Variants in EPYC observed in about 807,000 individuals in gnomAD.
The protein encoded by EPYC is epiphycan.
EPYC carries 28 observed loss-of-function variants against 30.1 expected under a neutral mutation model. The observed-to-expected ratio is 0.93, with a 90% CI of 0.69 to 1.28. The LOEUF (loss-of-function observed/expected upper bound fraction) is 1.28. Among genes scored for constraint, EPYC ranks in the 50% most tolerant of loss-of-function variants. EPYC has a pLI of 0.00. For synonymous variants in EPYC, 144 were observed against 141.4 expected (o/e 1.02, Z -0.13); for missense variants, 382 against 383.5 (o/e 1.00, Z 0.03).
chr12:90,972,134 T>C, intron 4 of EPYC, 132 bp from the exon 5 acceptor site: 1 of 564,104 alleles, frequency 1.8e-6, no homozygotes, highest in Non-Finnish European at 3.0e-6. Flanking sequence ...ATCTTTCTTT[T>C]TATAAAAAAT....
rs1876838225 is a variant in EPYC at position 90,964,289 on chromosome 12, C to T, written c.836G>A (p.Cys279Tyr). The T allele has an allele frequency of 6.2e-7, 1 of 1,610,596 alleles. No homozygotes were observed. Among genetic ancestry groups the T allele is most frequent in the Non-Finnish European group, 8.5e-7 (1 of 1,177,612 alleles). The change falls in exon 7 of 7, where the codon TGC becomes TAC. Residue 279 changes from cysteine to tyrosine, a missense_variant. Coordinates refer to ENST00000261172, the MANE Select transcript of EPYC (RefSeq NM_004950.5). ...NILEMHEDTF[C>Y]NVKNLTYIRK... The stretch of plus-strand genomic sequence containing the variant: ...AATATAAGTCAAATTTTTAACATTG[C>T]AGAACGTATCTTCGTGCATTTCCAG...
At chr12:91,000,707 CCT>C (rs1877803015) in intron 2 of EPYC, among the ~76,000 whole-genome samples, 1 of 151,864 alleles carries the variant, frequency 6.6e-6, no homozygotes, top group Admixed American at 6.6e-5. Flanking sequence ...TCTCTCTGAT[CCT>C]CTGGAATAGT....
At chr12:90,989,303 C>G (rs1877527197) in intron 2 of EPYC, among the ~76,000 whole-genome samples, 1 of 151,926 alleles carries the variant, frequency 6.6e-6, no homozygotes, top group African/African-American at 2.4e-5. Flanking sequence ...AATATAATAT[C>G]ACCAAATTTG....
intron 2 of EPYC, among the ~76,000 whole-genome samples, chr12:90,992,103 A>T (rs1348025650): frequency 6.6e-6 from 1 of 152,180 alleles, no homozygotes; most frequent in Non-Finnish European, 1.5e-5. Flanking sequence ...TGGTTTCAGG[A>T]TGAAGCTGTT....
Position 90,978,279 on chromosome 12 carries a change from AAAG to A in EPYC, c.166-20_166-18del, listed in dbSNP as rs777722244. The A allele has an allele frequency of 6.0e-5, 94 of 1,571,658 alleles. No individual in the cohort carries two copies. The highest frequency in any genetic ancestry group is 7.5e-5 in the Non-Finnish European group (87 of 1,166,626). On this transcript the variant is annotated intron_variant, in intron 2 of 6. Transcript: ENST00000261172. Reference sequence around the variant, plus strand: ...TATTTCAATCTGAAAAAAAAAAAAAAAAGAGAATTTCTTCAGGCCAACTTCTCA... The same window carrying A: ...TATTTCAATCTGAAAAAAAAAAAAAAAGAATTTCTTCAGGCCAACTTCTCA...
intron 1 of EPYC, among the ~76,000 whole-genome samples, chr12:91,003,312 T>A (rs1457668076): frequency 1.3e-5 from 2 of 152,014 alleles, no homozygotes; most frequent in Admixed American, 6.6e-5. Flanking sequence ...AGAAAAAAAA[T>A]TTCCTTTAGT....
At chr12:90,990,077 G>A (rs1208782971) in intron 2 of EPYC, among the ~76,000 whole-genome samples, 1 of 151,988 alleles carries the variant, frequency 6.6e-6, no homozygotes, top group African/African-American at 2.4e-5. Flanking sequence ...GGGAGGAGGG[G>A]AGCGAGTCAG....
chr12:91,000,485 G>A (rs141479874), intron 2 of EPYC, among the ~76,000 whole-genome samples: 4 of 152,134 alleles, frequency 2.6e-5, no homozygotes, highest in African/African-American at 7.2e-5. Context: ...ACAGCTTTAT[G>A]GGCAGTGAAA....
chr12:90,985,710 G>A (rs1369745880), intron 2 of EPYC, among the ~76,000 whole-genome samples: 2 of 152,038 alleles, frequency 1.3e-5, no homozygotes, highest in East Asian at 1.9e-4. Flanking sequence ...TTATGCCAAG[G>A]CAATCACTGG....
intron 2 of EPYC, among the ~76,000 whole-genome samples, chr12:90,991,530 A>G (rs1460109501): frequency 6.6e-6 from 1 of 152,206 alleles, no homozygotes; most frequent in Non-Finnish European, 1.5e-5. Flanking sequence ...TATGAAATGT[A>G]GTGAACTATG....
At chr12:91,003,897 G>A (rs1877890492) in intron 1 of EPYC, among the ~76,000 whole-genome samples, 1 of 152,108 alleles carries the variant, frequency 6.6e-6, no homozygotes, top group Admixed American at 6.6e-5. Context: ...AGAAGGATAT[G>A]AAATTCCTCT....
At chr12:91,004,739 A>C (rs967555068) in intron 1 of EPYC, among the ~76,000 whole-genome samples, 1 of 152,088 alleles carries the variant, frequency 6.6e-6, no homozygotes, top group African/African-American at 2.4e-5. Flanking sequence ...GAGATTAACT[A>C]TTTGCTGTAT....
chr12:90,996,163 G>A (rs1237463665), intron 2 of EPYC, among the ~76,000 whole-genome samples: 1 of 151,696 alleles, frequency 6.6e-6, no homozygotes, highest in Admixed American at 6.6e-5. Flanking sequence ...AAAATACAGA[G>A]ACAATTTCCT....
chr12:90,990,581 T>G (rs1877559743), intron 2 of EPYC, among the ~76,000 whole-genome samples: 1 of 152,162 alleles, frequency 6.6e-6, no homozygotes, highest in East Asian at 1.9e-4. Context: ...ACATTAAACC[T>G]AAAGGTTAAC....
chr12:90,982,952 G>C (rs1877356284), intron 2 of EPYC, among the ~76,000 whole-genome samples: 1 of 152,094 alleles, frequency 6.6e-6, no homozygotes, highest in African/African-American at 2.4e-5. Flanking sequence ...ATAAACATGA[G>C]AGTACAGATA....
chr12:91,004,114 C>A (rs1345967415), intron 1 of EPYC, among the ~76,000 whole-genome samples: 1 of 152,088 alleles, frequency 6.6e-6, no homozygotes, highest in East Asian at 1.9e-4. Context: ...TTCCAGGAAC[C>A]ATTCTCCCAT....
chr12:90,975,997 A>G (rs2120818310), intron 3 of EPYC, among the ~76,000 whole-genome samples: 1 of 152,248 alleles, frequency 6.6e-6, no homozygotes, highest in East Asian at 1.9e-4. Context: ...ATTTTTAAAA[A>G]TGGGTAATCA....
intron 2 of EPYC, among the ~76,000 whole-genome samples, chr12:90,984,018 T>G (rs1877387104): frequency 6.6e-6 from 1 of 152,032 alleles, no homozygotes; most frequent in Non-Finnish European, 1.5e-5. Context: ...ATTCATATGA[T>G]GAGAAGTGAG....
At position 90,968,890 on chromosome 12, in the gene EPYC, A is replaced by G. The variant is rs75802352; in HGVS notation, c.798+1154T>C. Among the ~76,000 whole-genome samples the G allele has an allele frequency of 1.7e-3, 266 of 152,044 alleles. 4 individuals are homozygous for G. In the East Asian group the frequency reaches 0.041, roughly 23 times the overall value. On this transcript the variant is annotated intron_variant, in intron 6 of 6. Coordinates refer to ENST00000261172, the MANE Select transcript of EPYC (RefSeq NM_004950.5). ...GAAATTCACCCCCAGAAAAAAAGAGAGAGCCATCCAGAAATCAAACCAAAT... is the reference window on the plus strand; with the variant it reads ...GAAATTCACCCCCAGAAAAAAAGAGGGAGCCATCCAGAAATCAAACCAAAT...
Sources: allele counts gnomAD v4.1 joint callset (sites outside exome capture counted in the v4.1 genomes callset), GRCh38; gene constraint gnomAD v4.1.1; transcripts MANE v1.5; gene names NCBI Gene and HGNC (gene_info 2026-07-23, HGNC 2026-07-21).